Variants in STXBP6 observed in about 807,000 individuals in gnomAD.
STXBP6 encodes syntaxin binding protein 6.
In STXBP6, 21 loss-of-function variants were observed where a neutral mutation model predicts 26.9. The observed-to-expected ratio is 0.78, with a 90% CI of 0.55 to 1.12. The LOEUF is 1.12. Among genes scored for constraint, STXBP6 ranks in the 50% most tolerant of loss-of-function variants. The pLI is 0.00. For missense variants in STXBP6, 232 were observed against 257.9 expected (o/e 0.90, Z 0.69); for synonymous variants, 97 against 92.6 (o/e 1.05, Z -0.27).
chr14:25,007,161 C>T (rs190210621), intron 1 of STXBP6, among the ~76,000 whole-genome samples: 135 of 152,324 alleles, frequency 8.9e-4, no homozygotes, highest in Middle Eastern at 3.4e-3. Flanking sequence ...ATCTTGCTGT[C>T]CTCCACAATG....
intron 4 of STXBP6, among the ~76,000 whole-genome samples, chr14:24,842,185 CCT>C (rs1202032131): frequency 6.6e-6 from 1 of 152,290 alleles, no homozygotes; most frequent in South Asian, 2.1e-4. Context: ...TTTTCTCTTG[CCT>C]CTCTGGAACA....
chr14:24,909,651 G>A (rs1251586482), intron 2 of STXBP6, among the ~76,000 whole-genome samples: 1 of 151,652 alleles, frequency 6.6e-6, no homozygotes, highest in Non-Finnish European at 1.5e-5. Flanking sequence ...GCTAGGTGTG[G>A]CGGCTAGTTG....
At chr14:24,818,216 A>G (rs772331730) in intron 5 of STXBP6, 1 of 443,766 alleles carries the variant, frequency 2.3e-6, no homozygotes, top group Non-Finnish European at 4.5e-6. Context: ...ACCAGAAAAA[A>G]AACTGCCCTT....
chr14:24,961,700 C>T (rs1373037713), intron 2 of STXBP6, among the ~76,000 whole-genome samples: 1 of 152,098 alleles, frequency 6.6e-6, no homozygotes, highest in Non-Finnish European at 1.5e-5. Context: ...ATACAATGTT[C>T]ACTATTTGAA....
rs902066493 is a variant in STXBP6 at position 24,814,281 on chromosome 14, T to C, written c.610-1549A>G. ...GGCTCTAGCTCAGATCTGTACCACT[T>C]CCTGGCCACACTCTGAACCTCATCA... is the stretch of plus-strand genomic sequence containing the variant. On this transcript the variant is annotated intron_variant, in intron 5 of 5. Coordinates refer to ENST00000323944, the MANE Select transcript of STXBP6 (RefSeq NM_001394410.1). Among the ~76,000 whole-genome samples the C allele has an allele frequency of 5.3e-5, 8 of 152,342 alleles. 2 individuals carry two copies. Among genetic ancestry groups the C allele is most frequent in the Admixed American group, 3.9e-4 (6 of 15,294 alleles).
At chr14:24,826,235 G>A (rs544916113) in intron 4 of STXBP6, among the ~76,000 whole-genome samples, 66 of 152,256 alleles carry the variant, frequency 4.3e-4, no homozygotes, top group African/African-American at 1.4e-3. Flanking sequence ...TACCAGCTGT[G>A]TGACCTGAAC....
At chr14:24,938,551 G>A (rs1264261103) in intron 2 of STXBP6, among the ~76,000 whole-genome samples, 1 of 148,172 alleles carries the variant, frequency 6.7e-6, no homozygotes, top group Non-Finnish European at 1.5e-5. Flanking sequence ...CTAAGGCCCA[G>A]AGGAAGCCAT....
intron 2 of STXBP6, among the ~76,000 whole-genome samples, chr14:24,861,511 G>C (rs1483596420): frequency 6.6e-6 from 1 of 152,154 alleles, no homozygotes; most frequent in African/African-American, 2.4e-5. Flanking sequence ...TTTCCTTACT[G>C]TTCTTCCAAA....
At chr14:24,990,152 T>C (rs2074429334) in intron 1 of STXBP6, among the ~76,000 whole-genome samples, 1 of 152,110 alleles carries the variant, frequency 6.6e-6, no homozygotes, top group African/African-American at 2.4e-5. Context: ...TAGAACTGTG[T>C]GTAGGAAATG....
intron 1 of STXBP6, among the ~76,000 whole-genome samples, chr14:25,016,125 A>T (rs1205736020): frequency 6.6e-6 from 1 of 152,190 alleles, no homozygotes; most frequent in South Asian, 2.1e-4. Context: ...GCCTAACACC[A>T]TGCACGCTCA....
intron 2 of STXBP6, among the ~76,000 whole-genome samples, chr14:24,946,023 G>A (rs2072976286): frequency 6.6e-6 from 1 of 152,168 alleles, no homozygotes; most frequent in Non-Finnish European, 1.5e-5. Flanking sequence ...CCTTCTTAGA[G>A]GAAGTATGTG....
chr14:24,879,252 G>C (rs937512373), intron 2 of STXBP6, among the ~76,000 whole-genome samples: 2 of 152,126 alleles, frequency 1.3e-5, no homozygotes, highest in Admixed American at 1.3e-4. Context: ...ATGGTCATTT[G>C]TATCTCCTCT....
chr14:25,044,994 T>A (rs1026689674), intron 1 of STXBP6, among the ~76,000 whole-genome samples: 2 of 152,210 alleles, frequency 1.3e-5, no homozygotes, highest in African/African-American at 4.8e-5. Context: ...TCTTCTCTAC[T>A]CTGAAATAAA....
intron 5 of STXBP6, among the ~76,000 whole-genome samples, chr14:24,814,712 C>T (rs2138677775): frequency 6.6e-6 from 1 of 152,264 alleles, no homozygotes; most frequent in Non-Finnish European, 1.5e-5. Context: ...AACCTAACCC[C>T]CAAGGTGATA....
At chr14:24,951,085 C>G (rs1340811851) in intron 2 of STXBP6, among the ~76,000 whole-genome samples, 1 of 152,178 alleles carries the variant, frequency 6.6e-6, no homozygotes, top group Non-Finnish European at 1.5e-5. Context: ...TTTTTTATGG[C>G]TGCATAGTAT....
intron 4 of STXBP6, among the ~76,000 whole-genome samples, chr14:24,839,671 G>C (rs2068731297): frequency 6.6e-6 from 1 of 152,156 alleles, no homozygotes; most frequent in African/African-American, 2.4e-5. Flanking sequence ...TATTTACTCA[G>C]CGCCGGGCAC....
At chr14:24,998,422 A>G (rs1422708393) in intron 1 of STXBP6, among the ~76,000 whole-genome samples, 1 of 152,216 alleles carries the variant, frequency 6.6e-6, no homozygotes, top group Non-Finnish European at 1.5e-5. Flanking sequence ...TGGCTGAGCT[A>G]AAGATTACAG....
chr14:24,937,027 A>G (rs187434623), intron 2 of STXBP6, among the ~76,000 whole-genome samples: 3 of 152,358 alleles, frequency 2.0e-5, no homozygotes, highest in African/African-American at 7.2e-5. Context: ...TTCTCAGCAA[A>G]CTAACACAAG....
At chr14:25,022,445 G>C (rs551325273) in intron 1 of STXBP6, among the ~76,000 whole-genome samples, 2 of 152,308 alleles carry the variant, frequency 1.3e-5, no homozygotes, top group South Asian at 4.2e-4. Flanking sequence ...GGCCAGGTAA[G>C]TTGGGGAATG....
Sources: gnomAD v4.1 joint callset for allele counts (sites outside exome capture counted in the v4.1 genomes callset) on GRCh38, gnomAD v4.1.1 for gene constraint, MANE v1.5 for transcripts, NCBI Gene and HGNC (gene_info 2026-07-23, HGNC 2026-07-21) for gene names.